The following MOB3B variants were observed in gnomAD, a reference collection of about 807,000 sequenced individuals.
The protein encoded by MOB3B is MOB kinase activator-like 2B.
A neutral mutation model predicts 18.7 loss-of-function variants in MOB3B; 7 were observed. The observed-to-expected ratio is 0.37, with a 90% CI of 0.21 to 0.70. The LOEUF is 0.70. MOB3B is among the 30% of genes least tolerant of loss of function. The pLI, the probability that MOB3B is intolerant of heterozygous loss-of-function variation, is 0.52. For missense variants in MOB3B, 253 were observed against 281.3 expected, an observed-to-expected ratio of 0.90 and a Z score of 0.72; for synonymous variants, 111 against 99.9, an observed-to-expected ratio of 1.11 and a Z score of -0.66.
chr9:27,329,956 A>T lies in MOB3B; in HGVS notation c.*631T>A, dbSNP rs1316284068. 1.1e-4 allele frequency: 16 copies of T among 152,220 alleles called. No homozygotes were observed. Among genetic ancestry groups the T allele is most frequent in the Non-Finnish European group, 2.4e-4 (16 of 68,054 alleles). The allele number at this position is 152,220 out of a possible 1,614,324, so 9.4% of individuals were successfully genotyped here. A position where few individuals can be genotyped will look rare whatever the true frequency, so the allele number is the denominator to read the frequency against. On this transcript the variant is annotated 3_prime_UTR_variant, in exon 4 of 4. Coordinates refer to ENST00000262244, the MANE Select transcript of MOB3B (RefSeq NM_024761.5). ...CACCCCATGGAGTGTCCCTGATAAA[A>T]CTATTTATTAGGGAAATGCTATGGA...
At chr9:27,400,511 T>C (rs1035337728) in intron 2 of MOB3B, among the ~76,000 whole-genome samples, 2 of 152,218 alleles carry the variant, frequency 1.3e-5, no homozygotes, top group African/African-American at 4.8e-5. Flanking sequence ...AAAAATCACC[T>C]AGGTAAAGCC....
intron 1 of MOB3B, chr9:27,524,776 T>C: frequency 1.9e-6 from 3 of 1,613,688 alleles, no homozygotes; most frequent in Non-Finnish European, 2.5e-6. Context: ...GAGAATGAGA[T>C]GAAACCCTCA....
At chr9:27,493,627 C>A (rs1053593201) in intron 1 of MOB3B, among the ~76,000 whole-genome samples, 6 of 151,636 alleles carry the variant, frequency 4.0e-5, no homozygotes, top group Non-Finnish European at 8.8e-5. Context: ...GGCGACTGAG[C>A]GAGACTCCAT....
intron 3 of MOB3B, among the ~76,000 whole-genome samples, chr9:27,357,144 A>ATATG (rs1486801059): frequency 1.2e-5 from 1 of 80,968 alleles, no homozygotes; most frequent in African/African-American, 4.2e-5. Context: ...ATATATATAT[A>ATATG]TGTGTTTTTT....
intron 1 of MOB3B, among the ~76,000 whole-genome samples, chr9:27,501,735 G>A (rs533654515): frequency 1.6e-4 from 23 of 147,288 alleles, no homozygotes; most frequent in East Asian, 8.2e-4. Flanking sequence ...CCACTGCACC[G>A]TAGTCTGGGC....
intron 1 of MOB3B, among the ~76,000 whole-genome samples, chr9:27,458,153 A>C (rs1386670456): frequency 1.3e-5 from 2 of 152,116 alleles, no homozygotes; most frequent in Non-Finnish European, 2.9e-5. Context: ...CTCTTCTATT[A>C]ATCTGATAAT....
chr9:27,370,838 A>G lies in MOB3B; in HGVS notation c.419-11602T>C, dbSNP rs527628728. Among the ~76,000 whole-genome samples, 15 of 152,036 alleles carry G rather than the reference A, an allele frequency of 9.9e-5. No individual in the cohort carries two copies. The East Asian group carries it at 2.9e-3, about 29-fold the overall frequency. On this transcript the variant is annotated intron_variant, in intron 2 of 3. Transcript: ENST00000262244. ...GCTTGGGTTCCCCTTACTTTTCCCA[A>G]CTCCAAGCACTGGCCCTTGAGTCAC...
At chr9:27,488,909 G>T (rs530451420) in intron 1 of MOB3B, among the ~76,000 whole-genome samples, 206 of 152,346 alleles carry the variant, frequency 1.4e-3, no homozygotes, top group Non-Finnish European at 2.2e-3. Flanking sequence ...CTGGCATAGG[G>T]CTATACCATT....
intron 2 of MOB3B, among the ~76,000 whole-genome samples, chr9:27,374,165 A>G (rs968428132): frequency 6.6e-6 from 1 of 151,808 alleles, no homozygotes; most frequent in African/African-American, 2.4e-5. Flanking sequence ...AGGGCTGCCC[A>G]ATTCATGAAT....
chr9:27,452,038 T>TA (rs1405408592), intron 2 of MOB3B, among the ~76,000 whole-genome samples: 2 of 152,214 alleles, frequency 1.3e-5, no homozygotes, highest in Non-Finnish European at 2.9e-5. Flanking sequence ...TTGGAAAAGT[T>TA]AAACAGAGAA....
intron 2 of MOB3B, among the ~76,000 whole-genome samples, chr9:27,407,570 T>A (rs531705254): frequency 1.3e-5 from 2 of 152,256 alleles, no homozygotes; most frequent in East Asian, 3.9e-4. Flanking sequence ...GTACTGGCCT[T>A]CCTTCCTCTC....
chr9:27,379,650 C>T (rs1013026238), intron 2 of MOB3B, among the ~76,000 whole-genome samples: 1 of 152,098 alleles, frequency 6.6e-6, no homozygotes, highest in African/African-American at 2.4e-5. Context: ...TGGTCCAAAG[C>T]CATTCAGTCC....
intron 2 of MOB3B, among the ~76,000 whole-genome samples, chr9:27,437,289 A>T (rs1414762439): frequency 4.6e-5 from 7 of 152,196 alleles, no homozygotes; most frequent in African/African-American, 1.7e-4. Flanking sequence ...CTTGGCATTA[A>T]GACCTCTTAG....
chr9:27,377,735 G>C (rs1351007312), intron 2 of MOB3B, among the ~76,000 whole-genome samples: 1 of 152,246 alleles, frequency 6.6e-6, no homozygotes, highest in Non-Finnish European at 1.5e-5. Context: ...CCTATAAAAA[G>C]TTTTAAAAAC....
intron 2 of MOB3B, among the ~76,000 whole-genome samples, chr9:27,429,542 C>A (rs1332553858): frequency 6.6e-6 from 1 of 152,044 alleles, no homozygotes; most frequent in Non-Finnish European, 1.5e-5. Flanking sequence ...ACAGAGGAAA[C>A]AAACAGAGAA....
chr9:27,330,596 C>T lies in MOB3B; in HGVS notation c.642G>A (p.Met214Ile), dbSNP rs779837127. The T allele has an allele frequency of 4.3e-6, 7 of 1,613,854 alleles. No individual in the cohort carries two copies. In the Admixed American group the frequency reaches 5.0e-5, roughly 12 times the overall value. ...AGGGTGAGGTGGAGCATTAGTGACA[C>T]ATCCTGCTCGTCATTTCTTTCTGGA... ...LEPLKEMTSR[M>I]CH The change falls in exon 4 of 4, where the codon ATG becomes ATA. Residue 214 changes from methionine (M) to isoleucine (I), a missense_variant. Coordinates refer to ENST00000262244, the MANE Select transcript of MOB3B (RefSeq NM_024761.5).
At chr9:27,378,458 T>A (rs1340722211) in intron 2 of MOB3B, 1 of 471,338 alleles carries the variant, frequency 2.1e-6, no homozygotes, top group Non-Finnish European at 4.4e-6. Flanking sequence ...GTGGCCAGAA[T>A]GATTACATTC....
At chr9:27,334,754 C>T (rs1231222429) in intron 3 of MOB3B, among the ~76,000 whole-genome samples, 2 of 152,238 alleles carry the variant, frequency 1.3e-5, no homozygotes, top group African/African-American at 4.8e-5. Flanking sequence ...TTAGGCAAGA[C>T]TACAAAGAAA....
At position 27,491,585 on chromosome 9, in the gene MOB3B, A is replaced by T. The variant is rs182157633; in HGVS notation, c.-198-35837T>A. 2.7e-3 allele frequency among the ~76,000 whole-genome samples: 408 copies of T among 152,306 alleles called. 1 individual carries two copies. The highest frequency in any genetic ancestry group is 8.1e-3 in the African/African-American group (336 of 41,552). On this transcript the variant is annotated intron_variant, in intron 1 of 3. Coordinates refer to ENST00000262244, the MANE Select transcript of MOB3B (RefSeq NM_024761.5). ...TAGAAAGATAATTCCTTAAAAATCA[A>T]TATAGGTGGTTGGGCACGGTGGCTC... is the stretch of plus-strand genomic sequence containing the variant.
Sources: gnomAD v4.1 joint callset for allele counts (sites outside exome capture counted in the v4.1 genomes callset) on GRCh38, gnomAD v4.1.1 for gene constraint, MANE v1.5 for transcripts, NCBI Gene and HGNC (gene_info 2026-07-23, HGNC 2026-07-21) for gene names.